The following MGRN1 variants were observed in gnomAD, a reference collection of about 807,000 sequenced individuals.
MGRN1 encodes E3 ubiquitin-protein ligase MGRN1.
Under a neutral mutation model 69.2 loss-of-function variants are expected in MGRN1, and 29 were observed. The observed-to-expected ratio is 0.42, with a 90% CI of 0.31 to 0.57. The LOEUF (loss-of-function observed/expected upper bound fraction) is 0.57, where lower values mean the gene tolerates loss of function less well. Ranked by LOEUF, MGRN1 falls within the 20% of genes least tolerant of loss-of-function variation. The pLI is 0.15. For missense variants in MGRN1, 998 were observed against 796.2 expected, an observed-to-expected ratio of 1.25 and a Z score of -3.05; for synonymous variants, 470 against 344.2, an observed-to-expected ratio of 1.37 and a Z score of -4.04.
rs551708501 is a variant in MGRN1, at chr16:4,666,411, C to T, written c.678+1260C>T. ...CCTTCCAAAGTGCTGGGATTACAAG[C>T]GTGAGCCACCGTACCTGGCCAAGAG... On this transcript the variant is annotated intron_variant, in intron 7 of 16. Transcript: ENST00000262370. Among the ~76,000 whole-genome samples, 24 of 152,176 alleles carry T rather than the reference C, an allele frequency of 1.6e-4. No homozygotes were observed. In the South Asian group the frequency reaches 1.7e-3, roughly 11 times the overall value.
intron 3 of MGRN1, 32 bp from the exon 4 acceptor site, chr16:4,652,646 C>T: frequency 6.3e-7 from 1 of 1,588,628 alleles, no homozygotes; most frequent in Non-Finnish European, 8.6e-7. Flanking sequence ...GGGCCGCTGA[C>T]CCGCTGCCTT....
chr16:4,684,892 C>T (rs1596320224), intron 16 of MGRN1, among the ~76,000 whole-genome samples: 1 of 152,244 alleles, frequency 6.6e-6, no homozygotes, highest in Non-Finnish European at 1.5e-5. Flanking sequence ...GGCCCCAGGG[C>T]CCACCATTGC....
At chr16:4,647,580 A>G (rs981955941) in intron 1 of MGRN1, among the ~76,000 whole-genome samples, 2 of 152,176 alleles carry the variant, frequency 1.3e-5, no homozygotes, top group African/African-American at 4.8e-5. Flanking sequence ...CTGTGTATTC[A>G]CAATTTGTGT....
rs531066094 is a variant in MGRN1 at position 4,655,409 on chromosome 16, T to TC, written c.444-1830dup. Among the ~76,000 whole-genome samples the TC allele has an allele frequency of 9.1e-4, 138 of 151,506 alleles. 1 individual carries two copies. In the Middle Eastern group the frequency reaches 0.01, roughly 11 times the overall value. ...GCTAGTGATGAGAGAAATGCCACAGTCCCCCCCTCTCAGGACCTGGCACAA... is the reference window on the plus strand; with the variant it reads ...GCTAGTGATGAGAGAAATGCCACAGTCCCCCCCCTCTCAGGACCTGGCACAA... On this transcript the variant is annotated intron_variant, in intron 4 of 16. Transcript: ENST00000262370.
At chr16:4,686,307 C>G (rs773751521) in intron 16 of MGRN1, 1 of 1,544,874 alleles carries the variant, frequency 6.5e-7, no homozygotes, top group Non-Finnish European at 8.7e-7. Context: ...TAAGCCGGTA[C>G]GTGACCTCCC....
chr16:4,673,446 C>A, intron 9 of MGRN1, 52 bp from the exon 10 acceptor site: 1 of 1,587,946 alleles, frequency 6.3e-7, no homozygotes, highest in Non-Finnish European at 8.6e-7. Context: ...GAAGCAGGAG[C>A]CGTACTCTGG....
At chr16:4,681,528 CT>C (rs778381266) in intron 12 of MGRN1, 21 bp from the exon 13 acceptor site, 51 of 1,599,320 alleles carry the variant, frequency 3.2e-5, no homozygotes, top group Non-Finnish European at 4.1e-5. Flanking sequence ...CATGAGCCCC[CT>C]CACGCACCCT....
chr16:4,678,849 G>A (rs540971355), intron 11 of MGRN1, among the ~76,000 whole-genome samples: 1 of 152,236 alleles, frequency 6.6e-6, no homozygotes, highest in Non-Finnish European at 1.5e-5. Context: ...CTTTGCTCTA[G>A]AAGGCTCCTC....
rs750440192 is a variant in MGRN1, at chr16:4,689,631, C to G, written c.*723C>G. On this transcript the variant is annotated 3_prime_UTR_variant, in exon 17 of 17. Transcript: ENST00000262370. The stretch of plus-strand genomic sequence containing the variant: ...CTTGTCACCAAGCTCCACACCTCCT[C>G]CTGGTGCTGGCTTTGGTGACATCAC... 6.6e-6 allele frequency: 1 copy of G among 152,290 alleles called. No homozygotes were observed. Among genetic ancestry groups the G allele is most frequent in the Non-Finnish European group, 1.5e-5 (1 of 68,062 alleles). 9.4% of individuals were successfully genotyped at this position (152,290 alleles called of 1,614,324 possible).
intron 9 of MGRN1, 122 bp downstream of exon 9, chr16:4,671,581 A>G (rs1243982959): frequency 2.4e-6 from 2 of 832,242 alleles, no homozygotes; most frequent in Non-Finnish European, 2.0e-6. Flanking sequence ...CCCGCTAGAC[A>G]ACATCATTTT....
At chr16:4,668,448 C>G (rs2078855834) in intron 8 of MGRN1, 136 bp downstream of exon 8, 1 of 855,290 alleles carries the variant, frequency 1.2e-6, no homozygotes, top group Non-Finnish European at 1.8e-6. Context: ...CACTCATACA[C>G]ATTCACTTGC....
intron 8 of MGRN1, among the ~76,000 whole-genome samples, chr16:4,671,019 G>T (rs1041676445): frequency 6.6e-6 from 1 of 152,242 alleles, no homozygotes; most frequent in Non-Finnish European, 1.5e-5. Flanking sequence ...CTGGAAAGCA[G>T]TGGGAACTTA....
At chr16:4,666,077 C>T (rs374861589) in intron 7 of MGRN1, among the ~76,000 whole-genome samples, 1 of 152,186 alleles carries the variant, frequency 6.6e-6, no homozygotes, top group Non-Finnish European at 1.5e-5. Flanking sequence ...GATCCACCTG[C>T]CTCGGCCTCC....
At chr16:4,653,838 C>T (rs1021324240) in intron 4 of MGRN1, among the ~76,000 whole-genome samples, 7 of 151,954 alleles carry the variant, frequency 4.6e-5, no homozygotes, top group Admixed American at 3.3e-4. Context: ...CTGCAACCTC[C>T]GCCTCCTAGG....
Position 4,682,926 on chromosome 16 carries a change from C to T in MGRN1, c.1462C>T (p.Arg488Trp), listed in dbSNP as rs772407632. Residue 488 changes from arginine to tryptophan, a missense_variant, in exon 14 of 17, where the codon CGG becomes TGG. By Grantham distance (101) the Arg-to-Trp change is moderately radical. Coordinates refer to ENST00000262370, the MANE Select transcript of MGRN1 (RefSeq NM_015246.4). ...ACTGGGTGGCGCAGAGCTGGCCCTG[C>T]GGGAAAGCAGCTCCCCTGAGGTGAG... ...PPLGGAELAL[R>W]ESSSPESFIT... 1.0e-5 allele frequency: 16 copies of T among 1,595,464 alleles called. No homozygotes were observed. The highest frequency in any genetic ancestry group is 4.5e-5 in the East Asian group (2 of 44,278).
chr16:4,665,204 G>A lies in MGRN1; in HGVS notation c.678+53G>A, dbSNP rs1046761786. 1.9e-5 allele frequency: 31 copies of A among 1,602,358 alleles called. No homozygotes were observed. In the East Asian group the frequency reaches 6.9e-4, roughly 36 times the overall value. Reference sequence around the variant, plus strand: ...CGGGGACCTGGGAGCTGGGCAGGGGGTGGCCTTTTGAGACGAGAAGCCTGA... The same window carrying A: ...CGGGGACCTGGGAGCTGGGCAGGGGATGGCCTTTTGAGACGAGAAGCCTGA... On this transcript the variant is annotated intron_variant, in intron 7 of 16. Transcript: ENST00000262370.
At chr16:4,636,275 C>T (rs112763919) in intron 1 of MGRN1, among the ~76,000 whole-genome samples, 2,580 of 151,934 alleles carry the variant, frequency 0.017, 75 homozygotes, top group African/African-American at 0.059. Flanking sequence ...CCCCTGACTT[C>T]CTCCCTGGGT....
intron 7 of MGRN1, among the ~76,000 whole-genome samples, chr16:4,667,762 GT>G (rs757494635): frequency 7.9e-5 from 12 of 152,236 alleles, no homozygotes; most frequent in Non-Finnish European, 1.6e-4. Context: ...GGGTGTGCTT[GT>G]TCTATTTCGT....
rs1270243761 is a variant in MGRN1, at chr16:4,652,017, G to A, written c.262G>A (p.Val88Met). The change falls in exon 3 of 17, where the codon GTG (valine) becomes ATG (methionine). Residue 88 changes from valine (V) to methionine (M), a missense_variant. Val to Met is a conservative substitution (Grantham distance 21). Transcript: ENST00000262370. ...HEPVKTLRSL[V>M]NIRKDSLRLV... ...GCCCGTGAAGACGCTGCGGAGCCTG[G>A]TGAACATCCGCAAAGACTCCCTGCG... 1 of 1,614,040 alleles carries A rather than the reference G, an allele frequency of 6.2e-7. No homozygotes were observed. Among genetic ancestry groups the A allele is most frequent in the Non-Finnish European group, 8.5e-7 (1 of 1,179,968 alleles).
Sources: gnomAD v4.1 joint callset for allele counts (sites outside exome capture counted in the v4.1 genomes callset) on GRCh38, gnomAD v4.1.1 for gene constraint, MANE v1.5 for transcripts, NCBI Gene and HGNC (gene_info 2026-07-23, HGNC 2026-07-21) for gene names.